Variants in ANO4 observed in about 807,000 individuals in gnomAD.
ANO4 encodes the protein anoctamin 4.
ANO4 carries 69 observed loss-of-function variants against 141.9 expected under a neutral mutation model. That is an observed-to-expected ratio of 0.49 (90% CI 0.40 to 0.59). The LOEUF is 0.59. ANO4 is among the 20% of genes least tolerant of loss of function. The pLI, the probability that ANO4 is intolerant of heterozygous loss-of-function variation, is 0.00. For missense variants in ANO4, 894 were observed against 1,162.2 expected (o/e 0.77, Z 3.36); for synonymous variants, 350 against 394.3 (o/e 0.89, Z 1.33).
intron 5 of ANO4, among the ~76,000 whole-genome samples, chr12:100,960,479 A>G (rs1441338128): frequency 2.0e-5 from 3 of 152,090 alleles, no homozygotes; most frequent in African/African-American, 7.2e-5. Flanking sequence ...TTTGATCAGC[A>G]TTTCACCAAG....
chr12:100,885,061 A>G (rs954892850), intron 1 of ANO4, among the ~76,000 whole-genome samples: 5 of 152,208 alleles, frequency 3.3e-5, no homozygotes, highest in African/African-American at 4.8e-5. Context: ...TCATGTTTGA[A>G]GCCAGCAACA....
intron 3 of ANO4, among the ~76,000 whole-genome samples, chr12:100,745,435 G>A (rs569357431): frequency 6.6e-5 from 10 of 152,232 alleles, no homozygotes; most frequent in East Asian, 5.8e-4. Flanking sequence ...CATAATAGAC[G>A]TAAATAAAGT....
intron 3 of ANO4, among the ~76,000 whole-genome samples, chr12:100,935,561 G>T (rs971330608): frequency 6.6e-6 from 1 of 152,166 alleles, no homozygotes; most frequent in African/African-American, 2.4e-5. Context: ...GAAGTCTAAG[G>T]AAGGTGATGG....
chr12:100,922,664 C>A lies in ANO4; in HGVS notation c.160+334C>A, dbSNP rs2041682730. Reference sequence around the variant, plus strand: ...TGATTAATCATAATCAAAGAAAAACCTTTAAGAAAACAAAATACAATTCCT... The same window carrying A: ...TGATTAATCATAATCAAAGAAAAACATTTAAGAAAACAAAATACAATTCCT... On this transcript the variant is annotated intron_variant, in intron 3 of 27. Transcript: ENST00000392977. 2.6e-5 allele frequency among the ~76,000 whole-genome samples: 4 copies of A among 151,816 alleles called. No homozygotes were observed. In the South Asian group the frequency reaches 8.3e-4, roughly 32 times the overall value.
Position 100,778,334 on chromosome 12 carries a change from T to C in ANO4, c.358+38229T>C, listed in dbSNP as rs540227316. 9.2e-5 allele frequency among the ~76,000 whole-genome samples: 14 copies of C among 152,338 alleles called. 1 individual carries two copies. Among genetic ancestry groups the C allele is most frequent in the African/African-American group, 3.1e-4 (13 of 41,582 alleles). ...GGGGTGAATGTATGCTTGAATTTTT[T>C]CTGGGATCTTAAGGTTCTTGAAGGC... On this transcript the variant is annotated intron_variant, in intron 3 of 29. Coordinates refer to the ANO4 transcript ENST00000644049.
chr12:100,872,101 A>G (rs1480802918), intron 1 of ANO4, among the ~76,000 whole-genome samples: 2 of 152,194 alleles, frequency 1.3e-5, no homozygotes, highest in African/African-American at 4.8e-5. Flanking sequence ...TAGTAGCCAA[A>G]TGGCCTTGGA....
Position 100,987,553 on chromosome 12 carries a change from T to C in ANO4, c.617T>C (p.Ile206Thr). The change falls in exon 8 of 28, where the codon ATA becomes ACA. Residue 206 changes from isoleucine (I) to threonine (T), a missense_variant. Transcript: ENST00000392977. Reference sequence around the variant, plus strand: ...ATGTACCACAGGATCGATAAACAAATAAGCAGGTTTCGGAGATGGTTACCT... The same window carrying C: ...ATGTACCACAGGATCGATAAACAAACAAGCAGGTTTCGGAGATGGTTACCT... ...YKFMSRIDKQ[I>T]SRFRRWLPKK... 6.2e-7 allele frequency: 1 copy of C among 1,613,836 alleles called. No individual in the cohort carries two copies. Among genetic ancestry groups the C allele is most frequent in the Non-Finnish European group, 8.5e-7 (1 of 1,179,894 alleles).
intron 26 of ANO4, among the ~76,000 whole-genome samples, chr12:101,121,832 G>A (rs1211966965): frequency 1.3e-4 from 19 of 144,382 alleles, no homozygotes; most frequent in Non-Finnish European, 2.7e-4. Context: ...GCACAATCTC[G>A]GCTCACTGCA....
chr12:100,811,997 C>A (rs1450073842), intron 1 of ANO4, among the ~76,000 whole-genome samples: 1 of 151,182 alleles, frequency 6.6e-6, no homozygotes, highest in Non-Finnish European at 1.5e-5. Context: ...TACACATATG[C>A]ACATACCTAC....
chr12:100,835,036 A>G (rs2036832923), intron 1 of ANO4, among the ~76,000 whole-genome samples: 1 of 152,286 alleles, frequency 6.6e-6, no homozygotes, highest in Non-Finnish European at 1.5e-5. Context: ...CGACACATGA[A>G]CAAGATGTGG....
intron 3 of ANO4, among the ~76,000 whole-genome samples, chr12:100,745,620 T>G (rs1170456699): frequency 6.6e-6 from 1 of 152,084 alleles, no homozygotes; most frequent in Non-Finnish European, 1.5e-5. Flanking sequence ...TACAGAGATA[T>G]ATGAGATACA....
At chr12:100,963,620 A>G (rs971405432) in intron 5 of ANO4, among the ~76,000 whole-genome samples, 4 of 152,098 alleles carry the variant, frequency 2.6e-5, no homozygotes, top group Admixed American at 1.3e-4. Flanking sequence ...AGAATAACAG[A>G]TGCAAAAAAT....
Position 100,729,188 on chromosome 12 carries a change from A to T in ANO4, c.23-4586A>T, listed in dbSNP as rs114841116. ...CATATTTTGCTTGTGAGACTCATTC[A>T]TAATATTTTGTGTAGCTTCACTTTA... On this transcript the variant is annotated intron_variant, in intron 1 of 29. Transcript: ENST00000644049. Among the ~76,000 whole-genome samples, 964 of 152,030 alleles carry T rather than the reference A, an allele frequency of 6.3e-3. 11 individuals carry two copies. The highest frequency in any genetic ancestry group is 0.022 in the African/African-American group (902 of 41,468).
chr12:101,106,685 A>G (rs182373699), intron 22 of ANO4, among the ~76,000 whole-genome samples: 1 of 150,992 alleles, frequency 6.6e-6, no homozygotes, highest in African/African-American at 2.4e-5. Context: ...ATAGAGGAGA[A>G]TTCAGTTTTA....
intron 1 of ANO4, among the ~76,000 whole-genome samples, chr12:100,829,374 A>C (rs2036523778): frequency 1.3e-5 from 2 of 152,118 alleles, no homozygotes; most frequent in Non-Finnish European, 2.9e-5. Flanking sequence ...ATACATATTT[A>C]ATAACCATCA....
chr12:101,123,358 GGTTT>G (rs1216299023), intron 26 of ANO4, among the ~76,000 whole-genome samples: 1 of 152,116 alleles, frequency 6.6e-6, no homozygotes, highest in African/African-American at 2.4e-5. Context: ...AGGACATACA[GGTTT>G]GTTACACAGG....
At chr12:100,885,036 C>G (rs1003140902) in intron 1 of ANO4, among the ~76,000 whole-genome samples, 3 of 152,342 alleles carry the variant, frequency 2.0e-5, no homozygotes, top group African/African-American at 7.2e-5. Flanking sequence ...CATCCCTAGA[C>G]TCATGGTCCC....
At chr12:100,972,184 G>A (rs981447314) in intron 6 of ANO4, among the ~76,000 whole-genome samples, 22 of 152,292 alleles carry the variant, frequency 1.4e-4, no homozygotes, top group African/African-American at 3.9e-4. Context: ...GAAGAATAAC[G>A]TACTTTTGGT....
intron 1 of ANO4, among the ~76,000 whole-genome samples, chr12:100,880,461 C>T (rs1474221178): frequency 6.6e-6 from 1 of 152,120 alleles, no homozygotes; most frequent in African/African-American, 2.4e-5. Context: ...CCGAGCAAGT[C>T]CAGACTTTAA....
Sources: allele counts gnomAD v4.1 joint callset (sites outside exome capture counted in the v4.1 genomes callset), GRCh38; gene constraint gnomAD v4.1.1; transcripts MANE v1.5; gene names NCBI Gene and HGNC (gene_info 2026-07-23, HGNC 2026-07-21).